MAST4: variants seen among roughly 807,000 people sequenced by gnomAD.
MAST4 encodes the protein microtubule associated serine/threonine kinase family member 4.
Under a neutral mutation model 162.7 loss-of-function variants are expected in MAST4, and 89 were observed. The observed-to-expected ratio is 0.55, with a 90% CI of 0.46 to 0.65. The LOEUF (loss-of-function observed/expected upper bound fraction) is 0.65, where lower values mean the gene tolerates loss of function less well. Among genes scored for constraint, MAST4 ranks in the 30% least tolerant of loss-of-function variants. The pLI is 0.00. For missense variants in MAST4, 3,153 were observed against 3,374.0 expected, an observed-to-expected ratio of 0.93 and a Z score of 1.62; for synonymous variants, 1,479 against 1,361.1, an observed-to-expected ratio of 1.09 and a Z score of -1.91.
chr5:66,614,208 A>T (rs1438348585), intron 1 of MAST4, among the ~76,000 whole-genome samples: 2 of 152,136 alleles, frequency 1.3e-5, no homozygotes, highest in East Asian at 3.8e-4. Flanking sequence ...CCTCAGGAAA[A>T]ATAACTATGA....
At chr5:66,988,873 C>G (rs1162211170) in intron 4 of MAST4, among the ~76,000 whole-genome samples, 1 of 152,194 alleles carries the variant, frequency 6.6e-6, no homozygotes, top group Non-Finnish European at 1.5e-5. Context: ...ATACATGGTT[C>G]ACATTTTAAC....
intron 19 of MAST4, among the ~76,000 whole-genome samples, chr5:67,140,307 C>T (rs981342235): frequency 6.6e-5 from 10 of 152,216 alleles, no homozygotes; most frequent in Admixed American, 4.6e-4. Flanking sequence ...TCTTAGCTTT[C>T]GTATTCTGTT....
At chr5:66,781,022 A>C (rs1442220689) in intron 2 of MAST4, among the ~76,000 whole-genome samples, 3 of 152,180 alleles carry the variant, frequency 2.0e-5, no homozygotes, top group Non-Finnish European at 2.9e-5. Context: ...AGGTTCCTCC[A>C]TGTTGTAACA....
intron 1 of MAST4, among the ~76,000 whole-genome samples, chr5:66,697,929 T>G (rs1398070094): frequency 6.6e-6 from 1 of 152,156 alleles, no homozygotes; most frequent in East Asian, 1.9e-4. Context: ...TGTCCTAAGC[T>G]AAGTCAACAC....
chr5:66,706,176 T>A (rs1370411826), intron 1 of MAST4, among the ~76,000 whole-genome samples: 1 of 152,190 alleles, frequency 6.6e-6, no homozygotes, highest in Non-Finnish European at 1.5e-5. Context: ...CAGGGATATA[T>A]CTTTAAGAAA....
At chr5:66,687,157 G>C (rs1748712872) in intron 1 of MAST4, among the ~76,000 whole-genome samples, 1 of 151,876 alleles carries the variant, frequency 6.6e-6, no homozygotes, top group Admixed American at 6.6e-5. Context: ...GGTGAGGTTT[G>C]GGTTTCTAGT....
At chr5:66,801,112 C>T (rs537787478) in intron 3 of MAST4, among the ~76,000 whole-genome samples, 1 of 152,202 alleles carries the variant, frequency 6.6e-6, no homozygotes, top group Non-Finnish European at 1.5e-5. Flanking sequence ...TCAGTAAAAA[C>T]ATTTTTTAGT....
intron 11 of MAST4, 83 bp downstream of exon 11, chr5:67,110,282 C>G: frequency 1.0e-6 from 1 of 979,500 alleles, no homozygotes; most frequent in Non-Finnish European, 1.6e-6. Context: ...CATTTGGTTT[C>G]CAGCACCAGA....
chr5:67,022,605 T>A (rs527954637), intron 4 of MAST4, among the ~76,000 whole-genome samples: 1 of 152,180 alleles, frequency 6.6e-6, no homozygotes, highest in Non-Finnish European at 1.5e-5. Context: ...TTCTGGAGTT[T>A]CATTACTACT....
chr5:67,075,789 G>C (rs951018280), intron 5 of MAST4, among the ~76,000 whole-genome samples: 1 of 152,060 alleles, frequency 6.6e-6, no homozygotes, highest in African/African-American at 2.4e-5. Flanking sequence ...ACATTTTTAA[G>C]TTTTTAAAAT....
chr5:66,873,685 A>G (rs996020475), intron 3 of MAST4, among the ~76,000 whole-genome samples: 5 of 152,200 alleles, frequency 3.3e-5, no homozygotes, highest in Admixed American at 6.5e-5. Flanking sequence ...AGATTTTCTC[A>G]TCTATGAGGA....
At position 67,160,520 on chromosome 5, in the gene MAST4, C is replaced by T. The variant is rs1773066999; in HGVS notation, c.3713C>T (p.Ala1238Val). The T allele has an allele frequency of 6.2e-7, 1 of 1,613,842 alleles. No homozygotes were observed. Among genetic ancestry groups the T allele is most frequent in the Non-Finnish European group, 8.5e-7 (1 of 1,179,824 alleles). ...FENTSIKTGP[A>V]RRNSYKSRMV... ...AACACATCAATCAAAACTGGACCAG[C>T]CAGGAGAAACAGCTATAAGAGCCGG... Residue 1238 changes from alanine to valine, a missense_variant, in exon 27 of 29, where the codon GCC becomes GTC. Ala to Val is a moderately conservative substitution (Grantham distance 64, BLOSUM62 0). Around this residue, in one of 7 missense-constraint regions of MAST4, gnomAD observed 619 missense variants for 744.2 expected, o/e 0.83. Coordinates refer to ENST00000403625, the MANE Select transcript of MAST4 (RefSeq NM_001164664.2).
intron 1 of MAST4, among the ~76,000 whole-genome samples, chr5:66,605,936 G>A (rs1357219325): frequency 6.6e-6 from 1 of 152,188 alleles, no homozygotes; most frequent in Non-Finnish European, 1.5e-5. Context: ...GAGGGCAACC[G>A]TTTTAGAATT....
At chr5:67,081,748 A>G (rs892547144) in intron 5 of MAST4, among the ~76,000 whole-genome samples, 8 of 152,340 alleles carry the variant, frequency 5.3e-5, no homozygotes, top group Non-Finnish European at 1.0e-4. Flanking sequence ...TTTTATTTTT[A>G]AATATTCTAG....
chr5:67,060,252 G>A lies in MAST4; in HGVS notation c.763+5760G>A, dbSNP rs373830772. ...TATCAGTTCCACTCCCCTCAATCTT[G>A]CAACTCGTTCATTAGATGAGATACT... On this transcript the variant is annotated intron_variant, in intron 5 of 28. Transcript: ENST00000403625. Among the ~76,000 whole-genome samples the A allele has an allele frequency of 1.1e-4, 16 of 152,136 alleles. 1 individual carries two copies. Among genetic ancestry groups the A allele is most frequent in the African/African-American group, 3.6e-4 (15 of 41,504 alleles).
At chr5:66,921,039 C>T (rs1276043461) in intron 4 of MAST4, among the ~76,000 whole-genome samples, 12 of 151,906 alleles carry the variant, frequency 7.9e-5, no homozygotes, top group South Asian at 6.2e-4. Flanking sequence ...AAGCCACTTA[C>T]GATTAGAGGG....
intron 1 of MAST4, among the ~76,000 whole-genome samples, chr5:66,597,550 C>T (rs993737858): frequency 2.0e-5 from 3 of 152,242 alleles, no homozygotes; most frequent in East Asian, 3.9e-4. Context: ...TTGGCGCGTC[C>T]CCGCAGCGTC....
intron 1 of MAST4, among the ~76,000 whole-genome samples, chr5:66,638,868 T>G (rs1454907639): frequency 1.3e-5 from 2 of 152,184 alleles, no homozygotes; most frequent in African/African-American, 4.8e-5. Context: ...GCTTGGGTTT[T>G]TGGTGTAATT....
At chr5:66,849,004 G>A (rs973598888) in intron 3 of MAST4, among the ~76,000 whole-genome samples, 2 of 152,172 alleles carry the variant, frequency 1.3e-5, no homozygotes, top group African/African-American at 4.8e-5. Flanking sequence ...TTTGTCCAGG[G>A]TCAGAGCCTC....
Sources: allele counts gnomAD v4.1 joint callset (sites outside exome capture counted in the v4.1 genomes callset), GRCh38; gene constraint gnomAD v4.1.1; regional missense constraint gnomAD v4.1.1; transcripts MANE v1.5; gene names NCBI Gene and HGNC (gene_info 2026-07-23, HGNC 2026-07-21).